Variants in MAPK9 observed in about 807,000 individuals in gnomAD.
MAPK9 encodes Jun kinase.
In MAPK9, 30 loss-of-function variants were observed where a neutral mutation model predicts 57.1. That is an observed-to-expected ratio of 0.53 (90% CI 0.39 to 0.71). The LOEUF (loss-of-function observed/expected upper bound fraction) is 0.71. MAPK9 is among the 30% of genes least tolerant of loss of function. The pLI, the probability that MAPK9 is intolerant of heterozygous loss-of-function variation, is 0.00. For synonymous variants in MAPK9, 155 were observed against 177.0 expected (o/e 0.88, Z 0.99); for missense variants, 362 against 521.0 (o/e 0.69, Z 2.97).
At chr5:180,282,728 T>C (rs1414775380) in intron 1 of MAPK9, among the ~76,000 whole-genome samples, 2 of 152,228 alleles carry the variant, frequency 1.3e-5, no homozygotes, top group Non-Finnish European at 2.9e-5. Flanking sequence ...TCCTCTGCTA[T>C]GCCGTCAACA....
intron 3 of MAPK9, among the ~76,000 whole-genome samples, chr5:180,266,476 A>T (rs1037051551): frequency 5.3e-5 from 8 of 151,824 alleles, no homozygotes; most frequent in Non-Finnish European, 1.0e-4. Flanking sequence ...CACTACGCCC[A>T]GCTAATTTTT....
At chr5:180,288,927 T>C (rs980957744) in intron 1 of MAPK9, among the ~76,000 whole-genome samples, 1 of 152,206 alleles carries the variant, frequency 6.6e-6, no homozygotes, top group Non-Finnish European at 1.5e-5. Context: ...AAAGTTCCCA[T>C]AATAAAAGTT....
At chr5:180,263,224 T>A (rs1760168491) in intron 4 of MAPK9, 1 of 152,072 alleles carries the variant, frequency 6.6e-6, no homozygotes. Context: ...CATTCTCAAT[T>A]CCTCTCTCTC....
intron 5 of MAPK9, among the ~76,000 whole-genome samples, chr5:180,259,976 G>C (rs542623686): frequency 1.4e-4 from 22 of 152,302 alleles, no homozygotes; most frequent in South Asian, 1.0e-3. Context: ...TATACTGGAG[G>C]AAAACCGTAT....
At chr5:180,240,921 C>T in intron 9 of MAPK9, 110 bp downstream of exon 9, 1 of 1,314,424 alleles carries the variant, frequency 7.6e-7, no homozygotes, top group Non-Finnish European at 1.0e-6. Context: ...CTGGGAGCCC[C>T]CAAATGGAGA....
At chr5:180,290,486 G>C (rs2127637790) in intron 1 of MAPK9, among the ~76,000 whole-genome samples, 1 of 152,304 alleles carries the variant, frequency 6.6e-6, no homozygotes, top group Admixed American at 6.5e-5. Flanking sequence ...CTCGGGAAAG[G>C]GACCCCGTTG....
At chr5:180,260,486 TTATAAA>T (rs1759822115) in intron 5 of MAPK9, among the ~76,000 whole-genome samples, 1 of 152,230 alleles carries the variant, frequency 6.6e-6, no homozygotes, top group Admixed American at 6.5e-5. Context: ...GTTATACAAG[TTATAAA>T]TATATTGTGT....
rs1269154741 is a variant in MAPK9, at chr5:180,271,630, T to C, written c.123-2221A>G. 2.6e-5 allele frequency among the ~76,000 whole-genome samples: 4 copies of C among 152,242 alleles called. No individual in the cohort carries two copies. In the East Asian group the frequency reaches 5.8e-4, roughly 22 times the overall value. On this transcript the variant is annotated intron_variant, in intron 2 of 11. Transcript: ENST00000452135. The stretch of plus-strand genomic sequence containing the variant: ...AACTAAGTCTTCTGTATTTCTTCTT[T>C]AGGATGTTTCTAGAAGTTGAAAATC...
chr5:180,261,828 G>T lies in MAPK9; in HGVS notation c.312-6C>A. 6.3e-7 allele frequency: 1 copy of T among 1,592,992 alleles called. No homozygotes were observed. The highest frequency in any genetic ancestry group is 2.3e-5 in the East Asian group (1 of 44,276). On this transcript the variant is annotated splice_region_variant and splice_polypyrimidine_tract_variant and intron_variant, in intron 4 of 11. Transcript: ENST00000452135. Reference sequence around the variant, plus strand: ...TTAATTCCATAACCAAATACCTGAGGGAGAAAAGGTCAGTTATTTATTTGA... The same window carrying T: ...TTAATTCCATAACCAAATACCTGAGTGAGAAAAGGTCAGTTATTTATTTGA...
chr5:180,241,343 C>A (rs533995301), intron 8 of MAPK9, among the ~76,000 whole-genome samples, 188 bp from the exon 9 acceptor site: 1 of 149,862 alleles, frequency 6.7e-6, no homozygotes. Context: ...CTCGCTCTGT[C>A]GCCCAATGCA....
chr5:180,256,696 T>C (rs1265808443), intron 5 of MAPK9, among the ~76,000 whole-genome samples: 1 of 152,160 alleles, frequency 6.6e-6, no homozygotes, highest in Non-Finnish European at 1.5e-5. Flanking sequence ...CAAACACTCC[T>C]TTGGGCCCCA....
chr5:180,241,920 T>C (rs1389451135), intron 8 of MAPK9, among the ~76,000 whole-genome samples: 1 of 152,070 alleles, frequency 6.6e-6, no homozygotes, highest in Non-Finnish European at 1.5e-5. Flanking sequence ...AATCTCACAT[T>C]CCCACAGGAT....
At chr5:180,241,305 T>A (rs34323902) in intron 8 of MAPK9, 150 bp from the exon 9 acceptor site, 5,166 of 224,134 alleles carry the variant, frequency 0.023, 30 homozygotes, top group East Asian at 0.13. Flanking sequence ...TAACCCAAAA[T>A]TTTTTTTTTT....
chr5:180,253,046 T>C (rs983559537), intron 5 of MAPK9, among the ~76,000 whole-genome samples: 1 of 151,940 alleles, frequency 6.6e-6, no homozygotes, highest in Non-Finnish European at 1.5e-5. Flanking sequence ...GGAGTGAGAG[T>C]GACAGATGGC....
At chr5:180,280,630 A>G in intron 1 of MAPK9, 22 bp from the exon 2 acceptor site, 3 of 1,572,952 alleles carry the variant, frequency 1.9e-6, no homozygotes, top group Non-Finnish European at 2.6e-6. Context: ...AACAGAATGA[A>G]CGTGCATTCT....
chr5:180,239,866 G>A (rs1484940184), intron 10 of MAPK9, 58 bp downstream of exon 10: 3 of 1,519,482 alleles, frequency 2.0e-6, no homozygotes, highest in African/African-American at 1.4e-5. Flanking sequence ...AAAAGCCTCT[G>A]CTCTACAGGA....
chr5:180,272,784 AACAC>A (rs1411677759), intron 2 of MAPK9, among the ~76,000 whole-genome samples: 2 of 152,220 alleles, frequency 1.3e-5, no homozygotes, highest in Admixed American at 1.3e-4. Flanking sequence ...TCTATTACAG[AACAC>A]ACAGTCATCA....
At chr5:180,249,248 A>T in intron 5 of MAPK9, 110 bp from the exon 6 acceptor site, 1 of 990,076 alleles carries the variant, frequency 1.0e-6, no homozygotes, top group South Asian at 2.0e-5. Context: ...AGTGAACTGA[A>T]CTCTGAGATT....
At chr5:180,239,393 G>A (rs1288870146) in intron 10 of MAPK9, among the ~76,000 whole-genome samples, 2 of 152,120 alleles carry the variant, frequency 1.3e-5, no homozygotes, top group East Asian at 1.9e-4. Flanking sequence ...GATGGCCCTG[G>A]GGCATGACCC....
Sources: allele counts gnomAD v4.1 joint callset (sites outside exome capture counted in the v4.1 genomes callset), GRCh38; gene constraint gnomAD v4.1.1; transcripts MANE v1.5; gene names NCBI Gene and HGNC (gene_info 2026-07-23, HGNC 2026-07-21).